Variants in GATD1 observed in about 807,000 individuals in gnomAD.
GATD1 encodes the protein glutamine amidotransferase class 1 domain containing 1.
In GATD1, 23 loss-of-function variants were observed where a neutral mutation model predicts 25.9. That is an observed-to-expected ratio of 0.89 (90% CI 0.64 to 1.26). The LOEUF (loss-of-function observed/expected upper bound fraction) is 1.26, where lower values mean the gene tolerates loss of function less well. Among genes scored for constraint, GATD1 ranks in the 50% most tolerant of loss-of-function variants. The pLI is 0.00. For missense variants in GATD1, 347 were observed against 312.5 expected (o/e 1.11, Z -0.83); for synonymous variants, 177 against 134.6 (o/e 1.31, Z -2.18).
chr11:773,465 C>A, intron 4 of GATD1, 57 bp downstream of exon 4: 1 of 1,401,746 alleles, frequency 7.1e-7, no homozygotes, highest in Non-Finnish European at 9.9e-7. Context: ...GGTGGGAGAC[C>A]CATTTCTTGT....
At chr11:773,917 G>A (rs894235951) in intron 3 of GATD1, 91 bp downstream of exon 3, 86 of 1,125,972 alleles carry the variant, frequency 7.6e-5, no homozygotes, top group Middle Eastern at 4.4e-4. Context: ...GGCTGAGCTA[G>A]GGAGCTCACT....
At chr11:773,675 G>T in intron 3 of GATD1, 46 bp from the exon 4 acceptor site, 1 of 1,444,718 alleles carries the variant, frequency 6.9e-7, no homozygotes, top group South Asian at 1.2e-5. Context: ...GTCAAAGTGA[G>T]ACTACCTGCA....
At chr11:773,264 T>C in intron 4 of GATD1, 1 of 454,884 alleles carries the variant, frequency 2.2e-6, no homozygotes, top group South Asian at 2.6e-5. Flanking sequence ...TGTCCTGCCT[T>C]GCTCAGGAGG....
In GATD1 at chr11:767,853, CT is replaced by C. The variant is rs534703953; in HGVS notation, c.*3043del. On this transcript the variant is annotated 3_prime_UTR_variant, in exon 8 of 8. Coordinates refer to ENST00000319863, the MANE Select transcript of GATD1 (RefSeq NM_182612.4). Reference sequence around the variant, plus strand: ...TAAGCCACTAGGTTTACAATATTTTCTTTTTTTTTTTTTTTGAGATGGAGTC... The same window carrying C: ...TAAGCCACTAGGTTTACAATATTTTCTTTTTTTTTTTTTTGAGATGGAGTC... 4.7e-3 allele frequency: 678 copies of C among 144,290 alleles called. 1 individual carries two copies. Among genetic ancestry groups the C allele is most frequent in the Middle Eastern group, 0.019 (5 of 270 alleles). The allele number at this position is 144,290 out of a possible 1,614,324, so 8.9% of individuals were successfully genotyped here.
chr11:773,501 T>C (rs1863652797), intron 4 of GATD1, 21 bp downstream of exon 4: 3 of 1,595,048 alleles, frequency 1.9e-6, no homozygotes, highest in Non-Finnish European at 2.6e-6. Flanking sequence ...ACCCCTCCCC[T>C]GGGTCCCAGG....
In GATD1 at chr11:769,074, C is replaced by G; in HGVS notation, c.*1823G>C. ...CAAGATTGTGCCACTGCACTCCAGC[C>G]TGGGTGACGAGAGACAAACTCCATC... On this transcript the variant is annotated 3_prime_UTR_variant, in exon 8 of 8. Transcript: ENST00000319863. 1.1e-6 allele frequency: 1 copy of G among 945,106 alleles called. No homozygotes were observed. Among genetic ancestry groups the G allele is most frequent in the Non-Finnish European group, 1.3e-6 (1 of 794,046 alleles). The allele number at this position is 945,106 out of a possible 1,614,324, so 58.5% of individuals were successfully genotyped here.
In GATD1 at chr11:770,438, A is replaced by G; in HGVS notation, c.*459T>C. On this transcript the variant is annotated 3_prime_UTR_variant, in exon 8 of 8. Coordinates refer to ENST00000319863, the MANE Select transcript of GATD1 (RefSeq NM_182612.4). ...TCACCTTTGGCCAAAGTTCTGAGCCAGCTCCCGCCGGCTGGGCCCTCCCCT... is the reference window on the plus strand; with the variant it reads ...TCACCTTTGGCCAAAGTTCTGAGCCGGCTCCCGCCGGCTGGGCCCTCCCCT... 6.7e-7 allele frequency: 1 copy of G among 1,492,030 alleles called. No homozygotes were observed. The allele number at this position is 1,492,030 out of a possible 1,614,324, so 92.4% of individuals were successfully genotyped here. A position where few individuals can be genotyped will look rare whatever the true frequency, so the allele number is the denominator to read the frequency against.
chr11:774,205 C>T (rs1863736495), intron 2 of GATD1, 92 bp from the exon 3 acceptor site: 4 of 1,080,320 alleles, frequency 3.7e-6, no homozygotes, highest in Non-Finnish European at 5.5e-6. Context: ...AGGGACCCAA[C>T]AGCATCCCCC....
chr11:772,537 G>A lies in GATD1; in HGVS notation c.356-16C>T. On this transcript the variant is annotated splice_polypyrimidine_tract_variant and intron_variant, in intron 4 of 7. Coordinates refer to ENST00000319863, the MANE Select transcript of GATD1 (RefSeq NM_182612.4). The stretch of plus-strand genomic sequence containing the variant: ...CAGATGGGTTCTGAAAGCCGTACAT[G>A]GCGTTGAGGCCCTGGACCCCGCCAC... The A allele has an allele frequency of 6.2e-7, 1 of 1,606,334 alleles. No individual in the cohort carries two copies. Among genetic ancestry groups the A allele is most frequent in the South Asian group, 1.1e-5 (1 of 91,082 alleles).
intron 5 of GATD1, 188 bp from the exon 6 acceptor site, chr11:771,614 T>C (rs899448836): frequency 1.1e-4 from 144 of 1,360,830 alleles, no homozygotes; most frequent in Admixed American, 1.3e-4. Context: ...CATCTTCCCA[T>C]GGGGTGTCCC....
At position 777,433 on chromosome 11, in the gene GATD1, G is replaced by T; in HGVS notation, c.30C>A (p.Pro10=). The T allele has an allele frequency of 2.4e-6, 3 of 1,269,100 alleles. No homozygotes were observed. Among genetic ancestry groups the T allele is most frequent in the Non-Finnish European group, 3.0e-6 (3 of 1,007,428 alleles). 78.6% of individuals were successfully genotyped at this position (1,269,100 alleles called of 1,614,324 possible). MASERLPNR[P]ACLLVASGAA... is the part of the protein sequence containing the mutation. ...CGCCGCTGGCCACGAGCAGACAGGC[G>T]GGCCTGTTAGGGAGCCGCTCGGACG... Residue 10 remains proline (P), a synonymous_variant, in exon 1 of 8, where the codon CCC becomes CCA. Transcript: ENST00000319863.
At position 771,376 on chromosome 11, in the gene GATD1, G is replaced by C. The variant is rs756435844; in HGVS notation, c.501C>G (p.Leu167=). 6.3e-7 allele frequency: 1 copy of C among 1,584,872 alleles called. No individual in the cohort carries two copies. Among genetic ancestry groups the C allele is most frequent in the Admixed American group, 1.8e-5 (1 of 55,686 alleles). Residue 167 remains leucine, a synonymous_variant, in exon 6 of 8, where the codon CTC becomes CTG. Coordinates refer to ENST00000319863, the MANE Select transcript of GATD1 (RefSeq NM_182612.4). ...AATCCTTCACGAAGTCCTCCACCAC[G>C]AGCGGCAGGCGGGCGAAGCCGGGGG... ...VRAPGFARLP[L]VVEDFVKDSG...
At chr11:771,533 A>T (rs1863449178) in intron 5 of GATD1, 107 bp from the exon 6 acceptor site, 1 of 1,430,454 alleles carries the variant, frequency 7.0e-7, no homozygotes. Context: ...ACCAAGTGGG[A>T]CCGGGGGTGT....
At chr11:772,724 T>C (rs930091977) in intron 4 of GATD1, 2 of 596,316 alleles carry the variant, frequency 3.4e-6, no homozygotes, top group African/African-American at 1.8e-5. Flanking sequence ...TCGGGGGAGC[T>C]GGTGCTTCAG....
rs964361622 is a variant in GATD1, at chr11:770,600, C to G, written c.*297G>C. The G allele has an allele frequency of 4.3e-6, 6 of 1,410,936 alleles. No individual in the cohort carries two copies. The highest frequency in any genetic ancestry group is 4.6e-6 in the Non-Finnish European group (5 of 1,085,690). The allele number at this position is 1,410,936 out of a possible 1,614,324, so 87.4% of individuals were successfully genotyped here. A position where few individuals can be genotyped will look rare whatever the true frequency, so the allele number is the denominator to read the frequency against. On this transcript the variant is annotated 3_prime_UTR_variant, in exon 8 of 8. Coordinates refer to ENST00000319863, the MANE Select transcript of GATD1 (RefSeq NM_182612.4). The stretch of plus-strand genomic sequence containing the variant: ...GTGACAACCAGTCCTCCCTAGAAAA[C>G]CCAGCCTGGAATTCCCGAGGACCAC...
Position 774,051 on chromosome 11 carries a change from G to A in GATD1, c.204C>T (p.Arg68=), listed in dbSNP as rs1334316015. ...TGGCGGGGCTGGCGTAAGCCTTGAG[G>A]CGGAAGTCTTGCACCCAGCGTGCAT... ...ESNARWVQDF[R]LKAYASPAKL... The change falls in exon 3 of 8, where the codon CGC becomes CGT. Residue 68 remains arginine (R), a synonymous_variant. Transcript: ENST00000319863. The A allele has an allele frequency of 1.2e-6, 2 of 1,613,704 alleles. No individual in the cohort carries two copies. Among genetic ancestry groups the A allele is most frequent in the Admixed American group, 1.7e-5 (1 of 60,030 alleles).
rs1863304629 is a variant in GATD1 at position 770,137 on chromosome 11, G to C, written c.*760C>G. On this transcript the variant is annotated 3_prime_UTR_variant, in exon 8 of 8. Coordinates refer to ENST00000319863, the MANE Select transcript of GATD1 (RefSeq NM_182612.4). ...CAGCCCGCTGGAGGGCCACAGCCCAGGCCAGGTGCCCAGCAGGCTGGACCA... is the reference window on the plus strand; with the variant it reads ...CAGCCCGCTGGAGGGCCACAGCCCACGCCAGGTGCCCAGCAGGCTGGACCA... 26 of 1,247,010 alleles carry C rather than the reference G, an allele frequency of 2.1e-5. No individual in the cohort carries two copies. Among genetic ancestry groups the C allele is most frequent in the Non-Finnish European group, 2.4e-5 (24 of 994,856 alleles). The allele number at this position is 1,247,010 out of a possible 1,614,324, so 77.2% of individuals were successfully genotyped here. A position where few individuals can be genotyped will look rare whatever the true frequency, so the allele number is the denominator to read the frequency against.
chr11:773,448 T>G lies in GATD1; in HGVS notation c.355+74A>C, dbSNP rs1193945749. 2.4e-6 allele frequency: 3 copies of G among 1,246,914 alleles called. No homozygotes were observed. In the African/African-American group the frequency reaches 4.5e-5, roughly 19 times the overall value. The allele number at this position is 1,246,914 out of a possible 1,614,324, so 77.2% of individuals were successfully genotyped here. On this transcript the variant is annotated intron_variant, in intron 4 of 7. Transcript: ENST00000319863. ...CCTACCTGGAGTCTTCCCACCTCTC[T>G]TCTGCTGGTGGGAGACCCATTTCTT...
At chr11:774,265 G>C in intron 2 of GATD1, 152 bp from the exon 3 acceptor site, 1 of 645,722 alleles carries the variant, frequency 1.5e-6, no homozygotes, top group Non-Finnish European at 2.6e-6. Flanking sequence ...GGATCTCCCA[G>C]GGTCGGGGAG....
Sources: gnomAD v4.1 joint callset for allele counts on GRCh38, gnomAD v4.1.1 for gene constraint, MANE v1.5 for transcripts, NCBI Gene and HGNC (gene_info 2026-07-23, HGNC 2026-07-21) for gene names.